KCNK12: variants seen among roughly 807,000 people sequenced by gnomAD.
KCNK12 encodes the protein potassium two pore domain channel subfamily K member 12, also known as potassium channel subfamily K member 12.
In KCNK12, 6 loss-of-function variants were observed where a neutral mutation model predicts 25.3. That is an observed-to-expected ratio of 0.24 (90% CI 0.13 to 0.47). The LOEUF is 0.47. KCNK12 is among the 20% of genes least tolerant of loss of function. The probability of loss-of-function intolerance (pLI) is 0.99; values close to 1 mark genes in which losing one functional copy is unlikely to be tolerated. For synonymous variants in KCNK12, 331 were observed against 311.1 expected (o/e 1.06, Z -0.67); for missense variants, 444 against 661.7 (o/e 0.67, Z 3.61).
chr2:47,519,303 G>C lies in KCNK12; in HGVS notation c.*1604C>G, dbSNP rs990953771. ...ATGCTGGGTGCGTGAGCGCATGCGT[G>C]CATGTTTGTGTGTGTGTGTGTTCCA... On this transcript the variant is annotated 3_prime_UTR_variant, in exon 2 of 2. Transcript: ENST00000327876. 4 of 152,168 alleles carry C rather than the reference G, an allele frequency of 2.6e-5. No individual in the cohort carries two copies. The highest frequency in any genetic ancestry group is 5.9e-5 in the Non-Finnish European group (4 of 68,048). 9.4% of individuals were successfully genotyped at this position (152,168 alleles called of 1,614,324 possible).
intron 1 of KCNK12, among the ~76,000 whole-genome samples, chr2:47,559,658 C>T (rs906342575): frequency 1.3e-5 from 2 of 152,200 alleles, no homozygotes; most frequent in Middle Eastern, 3.2e-3. Flanking sequence ...GAAGAAACTA[C>T]GTTTTCTGCA....
intron 1 of KCNK12, chr2:47,567,228 T>C (rs1049557766): frequency 1.3e-5 from 2 of 152,212 alleles, no homozygotes; most frequent in African/African-American, 4.8e-5. Flanking sequence ...GTATGAACCA[T>C]ATACACTGTG....
At position 47,514,649 on chromosome 2, in the gene KCNK12, C is replaced by A. The variant is rs1243489719; in HGVS notation, c.*6258G>T. The stretch of plus-strand genomic sequence containing the variant: ...TTTTTGAGACAGGGTCTTACTCTGT[C>A]ACCAAGGCTGGAGTGCAGTGGCATG... On this transcript the variant is annotated 3_prime_UTR_variant, in exon 2 of 2. Transcript: ENST00000327876. The surrounding 1 kb of genome is among the most constrained non-coding windows in gnomAD (Gnocchi z 5.0). Among the ~76,000 whole-genome samples, 3 of 150,364 alleles carry A rather than the reference C, an allele frequency of 2.0e-5. No individual in the cohort carries two copies. The highest frequency in any genetic ancestry group is 2.0e-4 in the Admixed American group (3 of 15,058).
Position 47,568,393 on chromosome 2 carries a change from A to G in KCNK12, c.391+1548T>C, listed in dbSNP as rs903460253. ...TTGAGGGGGTCATTTTATATCTTCT[A>G]TCACCATAACAACATGATATAGCTT... On this transcript the variant is annotated intron_variant, in intron 1 of 1. Transcript: ENST00000327876. Among the ~76,000 whole-genome samples, 5 of 151,616 alleles carry G rather than the reference A, an allele frequency of 3.3e-5. No individual in the cohort carries two copies. In the East Asian group the frequency reaches 7.7e-4, roughly 23 times the overall value.
chr2:47,521,270 C>T lies in KCNK12; in HGVS notation c.930G>A (p.Leu310=), dbSNP rs1410910789. The change falls in exon 2 of 2, where the codon CTG becomes CTA. Residue 310 remains leucine (L), a synonymous_variant. Coordinates refer to ENST00000327876, the MANE Select transcript of KCNK12 (RefSeq NM_022055.2). The stretch of plus-strand genomic sequence containing the variant: ...CGCAGCAGCGGCAGCTCAGCTTGCG[C>T]AGCATCCAGTTGAGCACCTGCTTGA... The part of the protein sequence containing the change: ...ILIKQVLNWM[L]RKLSCRCCAR... 1.2e-6 allele frequency: 2 copies of T among 1,610,182 alleles called. No homozygotes were observed. Among genetic ancestry groups the T allele is most frequent in the African/African-American group, 1.3e-5 (1 of 74,882 alleles).
rs1282154534 is a variant in KCNK12 at position 47,570,080 on chromosome 2, G to A, written c.252C>T (p.Gly84=). ...AGGCGCGCAGCTCTGGCTCGGCCAC[G>A]CCGTGCGCAGCGCTGAAGTTGCGCA... ...ATLRNFSAAH[G]VAEPELRAFL... Residue 84 remains glycine, a synonymous_variant, in exon 1 of 2, where the codon GGC becomes GGT. Coordinates refer to ENST00000327876, the MANE Select transcript of KCNK12 (RefSeq NM_022055.2). The A allele has an allele frequency of 7.2e-7, 1 of 1,384,716 alleles. No individual in the cohort carries two copies. The highest frequency in any genetic ancestry group is 9.3e-7 in the Non-Finnish European group (1 of 1,069,912). The allele number at this position is 1,384,716 out of a possible 1,614,324, so 85.8% of individuals were successfully genotyped here. A position where few individuals can be genotyped will look rare whatever the true frequency, so the allele number is the denominator to read the frequency against.
chr2:47,568,155 T>C (rs1380427828), intron 1 of KCNK12, among the ~76,000 whole-genome samples: 3 of 152,006 alleles, frequency 2.0e-5, no homozygotes, highest in African/African-American at 7.2e-5. Context: ...TGGGAGAAAG[T>C]GCTATGACCA....
chr2:47,546,189 G>C (rs1292330843), intron 1 of KCNK12, among the ~76,000 whole-genome samples: 1 of 152,204 alleles, frequency 6.6e-6, no homozygotes, highest in Non-Finnish European at 1.5e-5. Context: ...TTATTGCAAA[G>C]GCATATCAAT....
Position 47,566,403 on chromosome 2 carries a change from TGTGTGTGTGCAC to T in KCNK12, c.391+3526_391+3537del, listed in dbSNP as rs1669787653. The T allele has an allele frequency of 6.6e-6, 1 of 151,584 alleles. No individual in the cohort carries two copies. The highest frequency in any genetic ancestry group is 6.6e-5 in the Admixed American group (1 of 15,226). 9.4% of individuals were successfully genotyped at this position (151,584 alleles called of 1,614,324 possible). On this transcript the variant is annotated intron_variant, in intron 1 of 1. Transcript: ENST00000327876. The surrounding 1 kb of genome is among the most constrained non-coding windows in gnomAD (Gnocchi z 4.1). ...CTCTATACACATGTGCTCTCAAGAGTGTGTGTGTGCACGTGTGTACACACACACGTGCACACA... is the reference window on the plus strand; with the variant it reads ...CTCTATACACATGTGCTCTCAAGAGTGTGTGTACACACACACGTGCACACA...
At chr2:47,522,102 A>G (rs1171024299) in intron 1 of KCNK12, among the ~76,000 whole-genome samples, 1 of 152,210 alleles carries the variant, frequency 6.6e-6, no homozygotes, top group Non-Finnish European at 1.5e-5. Context: ...ACCCATCATG[A>G]CACAAAAAAT....
rs113528046 is a variant in KCNK12 at position 47,514,606 on chromosome 2, C to CTT, written c.*6299_*6300dup. 1.4e-5 allele frequency among the ~76,000 whole-genome samples: 2 copies of CTT among 146,072 alleles called. No homozygotes were observed. Among genetic ancestry groups the CTT allele is most frequent in the African/African-American group, 2.5e-5 (1 of 40,148 alleles). ...GTTCTTTTTTCTTTTCTTCCTTTTT[C>CTT]TTTTTTTTTTTTCTTTCTTTTTGAG... On this transcript the variant is annotated 3_prime_UTR_variant, in exon 2 of 2. Coordinates refer to ENST00000327876, the MANE Select transcript of KCNK12 (RefSeq NM_022055.2). This position sits in a 1 kb window ranked among gnomAD's most constrained non-coding sequence, Gnocchi z 5.0.
rs755205484 is a variant in KCNK12, at chr2:47,547,798, G to A, written c.391+22143C>T. ...TTTTTAGTAGAGAGGGGGTTTCACCGTGTTGGCCAGGCTGGTCTCGAACTC... is the reference window on the plus strand; with the variant it reads ...TTTTTAGTAGAGAGGGGGTTTCACCATGTTGGCCAGGCTGGTCTCGAACTC... On this transcript the variant is annotated intron_variant, in intron 1 of 1. Transcript: ENST00000327876. The surrounding 1 kb of genome is among the most constrained non-coding windows in gnomAD (Gnocchi z 5.0). Among the ~76,000 whole-genome samples the A allele has an allele frequency of 3.3e-5, 5 of 152,068 alleles. No homozygotes were observed. Among genetic ancestry groups the A allele is most frequent in the Admixed American group, 6.6e-5 (1 of 15,262 alleles).
intron 1 of KCNK12, chr2:47,564,959 G>A (rs1281113292): frequency 2.6e-5 from 4 of 152,012 alleles, no homozygotes; most frequent in Non-Finnish European, 5.9e-5. Flanking sequence ...CTTGAGCCCG[G>A]GAGTTTGACA....
In KCNK12 at chr2:47,514,162, G is replaced by T. The variant is rs1668469689; in HGVS notation, c.*6745C>A. On this transcript the variant is annotated 3_prime_UTR_variant, in exon 2 of 2. Transcript: ENST00000327876. This position sits in a 1 kb window ranked among gnomAD's most constrained non-coding sequence, Gnocchi z 5.0. ...TCCCACACACTGCTCCTCTGCCTGG[G>T]CCACTCTTCCTGCTCCTTGTCAGCA... Among the ~76,000 whole-genome samples the T allele has an allele frequency of 6.6e-6, 1 of 152,116 alleles. No homozygotes were observed. Among genetic ancestry groups the T allele is most frequent in the Non-Finnish European group, 1.5e-5 (1 of 68,014 alleles).
At position 47,562,279 on chromosome 2, in the gene KCNK12, T is replaced by G. The variant is rs1669688153; in HGVS notation, c.391+7662A>C. 2 of 396,444 alleles carry G rather than the reference T, an allele frequency of 5.0e-6. No individual in the cohort carries two copies. The highest frequency in any genetic ancestry group is 7.1e-5 in the East Asian group (2 of 28,016). 24.6% of individuals were successfully genotyped at this position (396,444 alleles called of 1,614,324 possible). On this transcript the variant is annotated intron_variant, in intron 1 of 1. Coordinates refer to ENST00000327876, the MANE Select transcript of KCNK12 (RefSeq NM_022055.2). This position sits in a 1 kb window ranked among gnomAD's most constrained non-coding sequence, Gnocchi z 4.8. ...CCTGGTCTGTAACATCTGTTGCTGTTGAGTATAAAGACACTGTGAACATTG... is the reference window on the plus strand; with the variant it reads ...CCTGGTCTGTAACATCTGTTGCTGTGGAGTATAAAGACACTGTGAACATTG...
intron 1 of KCNK12, among the ~76,000 whole-genome samples, chr2:47,535,584 T>C (rs1669050351): frequency 6.6e-6 from 1 of 152,148 alleles, no homozygotes. Context: ...ACTGAATTTA[T>C]GGAGCCCCTA....
chr2:47,545,017 T>C (rs1008210538), intron 1 of KCNK12, among the ~76,000 whole-genome samples: 1 of 152,176 alleles, frequency 6.6e-6, no homozygotes, highest in Non-Finnish European at 1.5e-5. Context: ...CTATAAGAAG[T>C]ATCTGTTATT....
At position 47,533,701 on chromosome 2, in the gene KCNK12, G is replaced by C. The variant is rs973235896; in HGVS notation, c.392-11893C>G. 1.3e-5 allele frequency among the ~76,000 whole-genome samples: 2 copies of C among 152,224 alleles called. No homozygotes were observed. The highest frequency in any genetic ancestry group is 4.8e-5 in the African/African-American group (2 of 41,460). ...CCATCTTTTCCAGTCCCCAAAGTGA[G>C]AGTGTGTGTGTGTGGGAGAGATATT... On this transcript the variant is annotated intron_variant, in intron 1 of 1. Transcript: ENST00000327876. This position sits in a 1 kb window ranked among gnomAD's most constrained non-coding sequence, Gnocchi z 4.7.
At position 47,570,506 on chromosome 2, in the gene KCNK12, T is replaced by A; in HGVS notation, c.-175A>T. Reference sequence around the variant, plus strand: ...CCCAGAGCCCGGACAGAGGGGCGCCTCCGCCTCCTCCCCGGCGCTCAGGCC... The same window carrying A: ...CCCAGAGCCCGGACAGAGGGGCGCCACCGCCTCCTCCCCGGCGCTCAGGCC... On this transcript the variant is annotated 5_prime_UTR_variant, in exon 1 of 2. Transcript: ENST00000327876. The A allele has an allele frequency of 3.5e-6, 2 of 570,714 alleles. No homozygotes were observed. Among genetic ancestry groups the A allele is most frequent in the African/African-American group, 2.0e-5 (1 of 50,648 alleles). 35.4% of individuals were successfully genotyped at this position (570,714 alleles called of 1,614,324 possible).
Sources: allele counts gnomAD v4.1 joint callset (sites outside exome capture counted in the v4.1 genomes callset), GRCh38; gene constraint gnomAD v4.1.1; non-coding constraint Gnocchi (gnomAD v3.1); transcripts MANE v1.5; gene names NCBI Gene and HGNC (gene_info 2026-07-23, HGNC 2026-07-21).